Variants in UNC80 observed in about 807,000 individuals in gnomAD.
The protein encoded by UNC80 is unc-80 subunit of NALCN channel complex, also known as protein unc-80 homolog.
Under a neutral mutation model 384.6 loss-of-function variants are expected in UNC80, and 164 were observed. The observed-to-expected ratio is 0.43, with a 90% CI of 0.38 to 0.49. UNC80 has a LOEUF of 0.49. UNC80 is among the 20% of genes least tolerant of loss of function. UNC80 has a pLI of 0.00. For missense variants in UNC80, 3,330 were observed against 4,143.0 expected (o/e 0.80, Z 5.39); for synonymous variants, 1,486 against 1,527.8 (o/e 0.97, Z 0.64).
rs750236635 is a variant in UNC80, at chr2:209,959,628, C to T, written c.7726C>T (p.Arg2576Trp). The T allele has an allele frequency of 3.9e-6, 6 of 1,551,682 alleles. No individual in the cohort carries two copies. The highest frequency in any genetic ancestry group is 2.0e-5 in the Admixed American group (1 of 50,994). ...CTEFYKHCGP[R>W]LKILQNLAGE... is the part of the protein sequence containing the mutation. ...TGAGTTCTATAAGCACTGTGGGCCA[C>T]GGCTGAAGATCTTGCAAAATCTGGC... The change falls in exon 51 of 65, where the codon CGG becomes TGG. Residue 2576 changes from arginine to tryptophan, a missense_variant. Physicochemically the swap from Arg to Trp is moderately radical, Grantham distance 101. Coordinates refer to ENST00000673920, the MANE Select transcript of UNC80 (RefSeq NM_001371986.1).
At chr2:209,941,074 T>C in intron 43 of UNC80, 147 bp from the exon 44 acceptor site, 2 of 1,024,962 alleles carry the variant, frequency 2.0e-6, no homozygotes, top group Non-Finnish European at 2.7e-6. Flanking sequence ...GCCAGTAATA[T>C]TGTGCTGGAA....
At position 209,777,168 on chromosome 2, in the gene UNC80, G is replaced by A. The variant is rs2076914229; in HGVS notation, c.299-90G>A. 2.9e-6 allele frequency: 4 copies of A among 1,376,470 alleles called. No individual in the cohort carries two copies. The South Asian group carries it at 4.2e-5, about 15-fold the overall frequency. The allele number at this position is 1,376,470 out of a possible 1,614,324, so 85.3% of individuals were successfully genotyped here. On this transcript the variant is annotated intron_variant, in intron 3 of 64. Transcript: ENST00000673920. ...AGTGGTTGTAAGAAGTATAGAGAAA[G>A]GAGGGATATTCTTCCCAGACCCATT...
intron 15 of UNC80, among the ~76,000 whole-genome samples, chr2:209,830,769 G>A (rs1448207039): frequency 1.3e-5 from 2 of 152,176 alleles, no homozygotes; most frequent in African/African-American, 4.8e-5. Flanking sequence ...CACGGAGGTC[G>A]AAGGCTTCCA....
intron 21 of UNC80, among the ~76,000 whole-genome samples, chr2:209,844,443 C>CTCTTT (rs1487142121): frequency 7.8e-6 from 1 of 128,882 alleles, no homozygotes; most frequent in East Asian, 2.1e-4. Context: ...TCTTTTCTTG[C>CTCTTT]TCTTTTCTTT....
At chr2:209,928,662 ATT>A (rs1421418102) in intron 36 of UNC80, among the ~76,000 whole-genome samples, 1 of 152,164 alleles carries the variant, frequency 6.6e-6, no homozygotes, top group Non-Finnish European at 1.5e-5. Context: ...CTCAAACAGT[ATT>A]TCTTTGTGTT....
intron 22 of UNC80, among the ~76,000 whole-genome samples, chr2:209,851,952 C>T (rs946582207): frequency 2.0e-5 from 3 of 151,988 alleles, no homozygotes; most frequent in Non-Finnish European, 2.9e-5. Flanking sequence ...ATAGCTTAAA[C>T]GTGGTTAGGA....
In UNC80 at chr2:209,937,564, A is replaced by G. The variant is rs191990009; in HGVS notation, c.6399A>G (p.Ser2133=). The G allele has an allele frequency of 1.3e-6, 2 of 1,551,696 alleles. No homozygotes were observed. The highest frequency in any genetic ancestry group is 1.4e-5 in the African/African-American group (1 of 73,154). ...GAGATATTTATCCTTTCCGGAGGTCAGTATCTCCCCAGCTGAATCTTGTAC... is the reference window on the plus strand; with the variant it reads ...GAGATATTTATCCTTTCCGGAGGTCGGTATCTCCCCAGCTGAATCTTGTAC... ...YVRDIYPFRR[S]VSPQLNLVHM... Residue 2133 remains serine, a synonymous_variant, in exon 42 of 65, where the codon TCA becomes TCG. Transcript: ENST00000673920.
At chr2:209,813,888 T>G in intron 8 of UNC80, 47 bp downstream of exon 8, 1 of 1,533,100 alleles carries the variant, frequency 6.5e-7, no homozygotes, top group Non-Finnish European at 8.8e-7. Context: ...AACTTTGCCA[T>G]AATGGATTCT....
chr2:209,829,145 C>T (rs2080769276), intron 14 of UNC80, 87 bp from the exon 15 acceptor site: 1 of 1,481,550 alleles, frequency 6.7e-7, no homozygotes, highest in Non-Finnish European at 9.1e-7. Flanking sequence ...GAAACCCTTG[C>T]CTTCTGAAGG....
At chr2:209,797,184 T>C (rs2078215976) in intron 7 of UNC80, among the ~76,000 whole-genome samples, 1 of 152,214 alleles carries the variant, frequency 6.6e-6, no homozygotes, top group African/African-American at 2.4e-5. Context: ...AATATTCTTT[T>C]TTTTCCTTTA....
chr2:209,777,330 C>T lies in UNC80; in HGVS notation c.371C>T (p.Pro124Leu). ...HTLHWMLLEAPQDCNNERFGG... is the reference protein window; with the variant it reads ...HTLHWMLLEALQDCNNERFGG... ...CTACACTGGATGCTTCTGGAGGCCC[C>T]CCAGGACTGCAACAATGAGCGGTTT... Residue 124 changes from proline (P) to leucine (L), a missense_variant, in exon 4 of 65, where the codon CCC becomes CTC. Coordinates refer to ENST00000673920, the MANE Select transcript of UNC80 (RefSeq NM_001371986.1). The T allele has an allele frequency of 6.2e-7, 1 of 1,614,180 alleles. No homozygotes were observed. Among genetic ancestry groups the T allele is most frequent in the Non-Finnish European group, 8.5e-7 (1 of 1,180,036 alleles).
intron 22 of UNC80, among the ~76,000 whole-genome samples, chr2:209,857,237 T>A (rs1465162566): frequency 6.6e-6 from 1 of 152,170 alleles, no homozygotes; most frequent in Non-Finnish European, 1.5e-5. Flanking sequence ...CCATGAAAAA[T>A]CATTTGATTT....
intron 26 of UNC80, among the ~76,000 whole-genome samples, chr2:209,890,760 A>G (rs1406618765): frequency 6.6e-6 from 1 of 152,230 alleles, no homozygotes; most frequent in Non-Finnish European, 1.5e-5. Flanking sequence ...TGAAGTGTAA[A>G]CTTAATACCT....
intron 47 of UNC80, among the ~76,000 whole-genome samples, chr2:209,947,339 C>A (rs1423523481): frequency 6.6e-6 from 1 of 152,192 alleles, no homozygotes; most frequent in Non-Finnish European, 1.5e-5. Context: ...TACAGATTCT[C>A]CAATATTCCT....
intron 28 of UNC80, among the ~76,000 whole-genome samples, chr2:209,900,165 G>T (rs73078941): frequency 6.6e-6 from 1 of 152,170 alleles, no homozygotes; most frequent in African/African-American, 2.4e-5. Context: ...TATCATGTCT[G>T]TGTGTATACA....
intron 34 of UNC80, 27 bp from the exon 35 acceptor site, chr2:209,922,225 G>A (rs1446131741): frequency 6.4e-7 from 1 of 1,551,360 alleles, no homozygotes; most frequent in East Asian, 2.4e-5. Flanking sequence ...TAAAGCCAAA[G>A]TTCACATTCC....
chr2:209,969,990 CT>C lies in UNC80; in HGVS notation c.8130+100del, dbSNP rs2092836840. On this transcript the variant is annotated intron_variant, in intron 53 of 64. Coordinates refer to ENST00000673920, the MANE Select transcript of UNC80 (RefSeq NM_001371986.1). Reference sequence around the variant, plus strand: ...TTTACAGGTCAACCACTTTGTGCCCCTATCTGCCCATGAAAACAGACGGCTC... The same window carrying C: ...TTTACAGGTCAACCACTTTGTGCCCCATCTGCCCATGAAAACAGACGGCTC... The C allele has an allele frequency of 3.0e-5, 44 of 1,443,268 alleles. No individual in the cohort carries two copies. In the South Asian group the frequency reaches 6.0e-4, roughly 20 times the overall value. The allele number at this position is 1,443,268 out of a possible 1,614,324, so 89.4% of individuals were successfully genotyped here. A position where few individuals can be genotyped will look rare whatever the true frequency, so the allele number is the denominator to read the frequency against.
At chr2:209,847,231 C>A (rs559728163) in intron 21 of UNC80, among the ~76,000 whole-genome samples, 4 of 151,944 alleles carry the variant, frequency 2.6e-5, no homozygotes, top group African/African-American at 9.6e-5. Context: ...CCATACACCC[C>A]AAAAATACAT....
Position 209,996,191 on chromosome 2 carries a change from G to T in UNC80, c.*596G>T, listed in dbSNP as rs56390581. 0.032 allele frequency: 4,924 copies of T among 152,194 alleles called. 112 individuals are homozygous for T. The highest frequency in any genetic ancestry group is 0.05 in the Non-Finnish European group (3,388 of 68,018). 9.4% of individuals were successfully genotyped at this position (152,194 alleles called of 1,614,324 possible). A position where few individuals can be genotyped will look rare whatever the true frequency, so the allele number is the denominator to read the frequency against. ...CTATATAGAGAGCTGTGGACTTTTAGATATTTATTTTTCAACTATCATTTT... is the reference window on the plus strand; with the variant it reads ...CTATATAGAGAGCTGTGGACTTTTATATATTTATTTTTCAACTATCATTTT... On this transcript the variant is annotated 3_prime_UTR_variant, in exon 65 of 65. Coordinates refer to ENST00000673920, the MANE Select transcript of UNC80 (RefSeq NM_001371986.1).
Sources: gnomAD v4.1 joint callset for allele counts (sites outside exome capture counted in the v4.1 genomes callset) on GRCh38, gnomAD v4.1.1 for gene constraint, MANE v1.5 for transcripts, NCBI Gene and HGNC (gene_info 2026-07-23, HGNC 2026-07-21) for gene names.